Variants in STK3 observed in about 807,000 individuals in gnomAD.
STK3 encodes serine/threonine kinase 3.
In STK3, 41 loss-of-function variants were observed where a neutral mutation model predicts 58.0. The observed-to-expected ratio is 0.71, with a 90% CI of 0.55 to 0.92. The LOEUF (loss-of-function observed/expected upper bound fraction) is 0.92, where lower values mean the gene tolerates loss of function less well. Among genes scored for constraint, STK3 ranks in the 40% least tolerant of loss-of-function variants. The pLI, the probability that STK3 is intolerant of heterozygous loss-of-function variation, is 0.00. For missense variants in STK3, 479 were observed against 602.7 expected (o/e 0.79, Z 2.15); for synonymous variants, 170 against 191.0 (o/e 0.89, Z 0.91).
At chr8:98,367,615 G>A (rs747629486), downstream of STK3, among the ~76,000 whole-genome samples, 6 of 152,198 alleles carry the variant, frequency 3.9e-5, no homozygotes, top group African/African-American at 7.2e-5. Flanking sequence ...GGGCTGGAGC[G>A]GGGTTTCTTC....
In STK3 at chr8:98,455,723, T is replaced by C; in HGVS notation, c.*119A>G. ...TTACCTGGGCATGTACCATTGTCAC[T>C]TTTTGACCTCTGCCTAATTGTAGGG... On this transcript the variant is annotated 3_prime_UTR_variant, in exon 11 of 11. Coordinates refer to ENST00000419617, the MANE Select transcript of STK3 (RefSeq NM_006281.4). The C allele has an allele frequency of 2.3e-6, 3 of 1,278,120 alleles. No individual in the cohort carries two copies. The highest frequency in any genetic ancestry group is 3.2e-6 in the Non-Finnish European group (3 of 927,470). 79.2% of individuals were successfully genotyped at this position (1,278,120 alleles called of 1,614,324 possible).
chr8:98,609,118 T>C (rs1354230512), intron 6 of STK3, among the ~76,000 whole-genome samples: 2 of 152,222 alleles, frequency 1.3e-5, no homozygotes, highest in Non-Finnish European at 2.9e-5. Flanking sequence ...ATTATGCTCA[T>C]ACTACATCAC....
chr8:98,565,983 C>G (rs938477489), intron 8 of STK3, among the ~76,000 whole-genome samples: 5 of 152,140 alleles, frequency 3.3e-5, no homozygotes, highest in African/African-American at 1.2e-4. Flanking sequence ...CTTAAACTAA[C>G]ACAAAAACTT....
At chr8:98,806,695 C>T (rs1587671153) in intron 1 of STK3, among the ~76,000 whole-genome samples, 1 of 152,090 alleles carries the variant, frequency 6.6e-6, no homozygotes, top group Non-Finnish European at 1.5e-5. Flanking sequence ...TCACAATAAA[C>T]TTCTATTACT....
rs1457820602 is a variant in STK3, at chr8:98,579,766, T to C, written c.846A>G (p.Lys282=). 6.3e-7 allele frequency: 1 copy of C among 1,577,360 alleles called. No individual in the cohort carries two copies. Among genetic ancestry groups the C allele is most frequent in the South Asian group, 1.2e-5 (1 of 82,640 alleles). Residue 282 remains lysine (K), a synonymous_variant, in exon 8 of 11, where the codon AAA becomes AAG. Transcript: ENST00000419617. ...TCAGGTCTCTTAATATTGATACAGGTTTGGCATTCTTGATAAAAGGATGCT... is the reference window on the plus strand; with the variant it reads ...TCAGGTCTCTTAATATTGATACAGGCTTGGCATTCTTGATAAAAGGATGCT... ...LLQHPFIKNA[K]PVSILRDLIT... is the part of the protein sequence containing the mutation.
At chr8:98,893,190 A>G (rs1838262120) in intron 1 of STK3, among the ~76,000 whole-genome samples, 1 of 151,928 alleles carries the variant, frequency 6.6e-6, no homozygotes, top group Non-Finnish European at 1.5e-5. Flanking sequence ...GGAGTTCGAG[A>G]CCAGCCTGGC....
At chr8:98,479,477 A>ACTCCGT (rs1162779938) in intron 10 of STK3, among the ~76,000 whole-genome samples, 2 of 44,306 alleles carry the variant, frequency 4.5e-5, no homozygotes, top group African/African-American at 2.3e-4. Context: ...ACAGAGCAAC[A>ACTCCGT]CTCCGTCTCG....
At chr8:98,427,918 G>A in intron 3 of STK3, 2 of 1,380,764 alleles carry the variant, frequency 1.4e-6, no homozygotes, top group South Asian at 2.9e-5. Flanking sequence ...TCTCGCCGAC[G>A]CTGTTCCCTC....
At chr8:98,501,095 C>T (rs183515617) in intron 10 of STK3, among the ~76,000 whole-genome samples, 25 of 152,182 alleles carry the variant, frequency 1.6e-4, no homozygotes, top group East Asian at 1.5e-3. Context: ...TTTTAATGAT[C>T]GCCATTCTAA....
intron 3 of STK3, among the ~76,000 whole-genome samples, chr8:98,416,727 C>G (rs934135888): frequency 5.3e-5 from 8 of 152,204 alleles, no homozygotes; most frequent in African/African-American, 1.9e-4. Flanking sequence ...GTTTGCATTC[C>G]TAGATGCCTA....
chr8:98,795,110 AT>A (rs60287562), intron 1 of STK3, among the ~76,000 whole-genome samples: 1 of 46,454 alleles, frequency 2.2e-5, no homozygotes, highest in African/African-American at 8.8e-5. Context: ...AAAAATATAT[AT>A]ATATATATAT....
Position 98,585,119 on chromosome 8 carries a change from T to G in STK3, c.823-5330A>C, listed in dbSNP as rs1439761414. On this transcript the variant is annotated intron_variant, in intron 7 of 10. Coordinates refer to ENST00000419617, the MANE Select transcript of STK3 (RefSeq NM_006281.4). ...GTTTAATTAGATCCCATTTGTCAAT[T>G]TTGGCTTTTGTTGCCATTGCTTTTG... Among the ~76,000 whole-genome samples the G allele has an allele frequency of 8.3e-3, 1,267 of 151,820 alleles. 11 individuals carry two copies. The highest frequency in any genetic ancestry group is 0.029 in the African/African-American group (1,193 of 41,370).
At chr8:98,412,996 A>G (rs891766909) in intron 3 of STK3, 2 of 226,686 alleles carry the variant, frequency 8.8e-6, no homozygotes, top group Non-Finnish European at 1.7e-5. Context: ...TCCTTCTGAT[A>G]TCATTTTGCT....
chr8:98,611,157 T>C (rs1817162995), intron 6 of STK3, among the ~76,000 whole-genome samples: 1 of 152,092 alleles, frequency 6.6e-6, no homozygotes, highest in African/African-American at 2.4e-5. Context: ...AGTCCTAAGA[T>C]AGCAAGAATA....
At chr8:98,445,843 T>C (rs866833274) in intron 1 of STK3, among the ~76,000 whole-genome samples, 1 of 152,188 alleles carries the variant, frequency 6.6e-6, no homozygotes, top group Non-Finnish European at 1.5e-5. Context: ...TCTAGATATT[T>C]ATTAAACAGT....
At chr8:98,552,946 A>G (rs1480213913) in intron 8 of STK3, among the ~76,000 whole-genome samples, 2 of 152,128 alleles carry the variant, frequency 1.3e-5, no homozygotes, top group Non-Finnish European at 2.9e-5. Flanking sequence ...GTTTTTAGGG[A>G]GTTTGAGATC....
intron 1 of STK3, among the ~76,000 whole-genome samples, chr8:98,804,914 C>A (rs889698387): frequency 6.6e-6 from 1 of 152,124 alleles, no homozygotes; most frequent in African/African-American, 2.4e-5. Context: ...ATGCTAATGG[C>A]GGAACACTGC....
At chr8:98,695,830 T>A (rs915454787) in intron 6 of STK3, among the ~76,000 whole-genome samples, 1 of 152,232 alleles carries the variant, frequency 6.6e-6, no homozygotes, top group African/African-American at 2.4e-5. Context: ...TGGGTTAGGA[T>A]TGACTCGGCA....
intron 7 of STK3, among the ~76,000 whole-genome samples, chr8:98,583,523 G>T (rs778127716): frequency 1.4e-4 from 21 of 152,130 alleles, no homozygotes; most frequent in Admixed American, 1.2e-3. Context: ...CAAGGTCATG[G>T]GAAATAGCAG....
Sources: gnomAD v4.1 joint callset for allele counts (sites outside exome capture counted in the v4.1 genomes callset) on GRCh38, gnomAD v4.1.1 for gene constraint, MANE v1.5 for transcripts, NCBI Gene and HGNC (gene_info 2026-07-23, HGNC 2026-07-21) for gene names.